Variants in LRRC4C observed in about 807,000 individuals in gnomAD.
LRRC4C encodes the protein leucine rich repeat containing 4C.
LRRC4C carries 5 observed loss-of-function variants against 33.6 expected under a neutral mutation model. The ratio of observed to expected loss-of-function variants is 0.15; its 90% CI spans 0.08 to 0.31. The LOEUF (loss-of-function observed/expected upper bound fraction) is 0.31, where lower values mean the gene tolerates loss of function less well. LRRC4C is among the 10% of genes least tolerant of loss of function. The pLI is 1.00. For missense variants in LRRC4C, 560 were observed against 796.7 expected (o/e 0.70, Z 3.58); for synonymous variants, 329 against 302.0 (o/e 1.09, Z -0.93).
chr11:40,987,630 GATATAT>G lies in LRRC4C; in HGVS notation c.-495-53913_-495-53908del, dbSNP rs747152583. 9.0e-5 allele frequency among the ~76,000 whole-genome samples: 8 copies of G among 88,600 alleles called. No homozygotes were observed. The South Asian group carries it at 3.2e-3, about 36-fold the overall frequency. 58.1% of individuals were successfully genotyped at this position (88,600 alleles called of 152,430 possible). On this transcript the variant is annotated intron_variant, in intron 1 of 6. Coordinates refer to ENST00000528697, the MANE Select transcript of LRRC4C (RefSeq NM_001258419.2). ...GGCTCTGCAGGTACAAGTGGGTAAT[GATATAT>G]ATATATATATATATATCTCATATAT...
intron 2 of LRRC4C, among the ~76,000 whole-genome samples, chr11:40,693,538 T>C (rs560966901): frequency 6.6e-6 from 1 of 152,206 alleles, no homozygotes; most frequent in Admixed American, 6.6e-5. Flanking sequence ...ATATTTCTTT[T>C]CTCGTCTACC....
intron 3 of LRRC4C, among the ~76,000 whole-genome samples, chr11:40,348,871 A>G (rs1470619029): frequency 6.6e-6 from 1 of 152,244 alleles, no homozygotes; most frequent in African/African-American, 2.4e-5. Flanking sequence ...AGTGAGGGAA[A>G]TGTCTTTTTA....
rs1018175769 is a variant in LRRC4C at position 40,619,362 on chromosome 11, T to G, written c.-270+28780A>C. ...TCATGGTGTTATTGATGAAGAATGTTCATACTTATTTCACATTGCATGCCT... is the reference window on the plus strand; with the variant it reads ...TCATGGTGTTATTGATGAAGAATGTGCATACTTATTTCACATTGCATGCCT... On this transcript the variant is annotated intron_variant, in intron 3 of 6. Coordinates refer to ENST00000528697, the MANE Select transcript of LRRC4C (RefSeq NM_001258419.2). 5.9e-5 allele frequency among the ~76,000 whole-genome samples: 9 copies of G among 151,858 alleles called. No homozygotes were observed. The East Asian group carries it at 1.4e-3, about 23-fold the overall frequency.
At chr11:40,948,163 G>C (rs894645964) in intron 1 of LRRC4C, among the ~76,000 whole-genome samples, 1 of 151,806 alleles carries the variant, frequency 6.6e-6, no homozygotes, top group Admixed American at 6.6e-5. Context: ...TATTTAATCT[G>C]AGTTGTTTAC....
chr11:40,936,014 TTATATATATATATATATATATATATA>T (rs56879078), intron 1 of LRRC4C, among the ~76,000 whole-genome samples: 7,779 of 49,396 alleles, frequency 0.16, 674 homozygotes, highest in Admixed American at 0.35. Context: ...ATGCCAAATT[TTATATATATATATATATATATATATA>T]TATATATATA....
At chr11:40,390,201 T>C (rs1358387255) in intron 3 of LRRC4C, among the ~76,000 whole-genome samples, 1 of 152,220 alleles carries the variant, frequency 6.6e-6, no homozygotes. Context: ...TTGATTAGTA[T>C]GGCTGGCATT....
intron 3 of LRRC4C, among the ~76,000 whole-genome samples, chr11:40,597,740 A>G (rs546467958): frequency 8.5e-5 from 13 of 152,158 alleles, no homozygotes; most frequent in Non-Finnish European, 1.6e-4. Context: ...GAGCTAGCAA[A>G]TTCAATTTCT....
intron 6 of LRRC4C, among the ~76,000 whole-genome samples, chr11:40,117,969 TGATA>T (rs1855553985): frequency 6.6e-6 from 1 of 150,654 alleles, no homozygotes; most frequent in Non-Finnish European, 1.5e-5. Flanking sequence ...TATGATTATA[TGATA>T]GATATGGTTA....
At chr11:40,323,137 A>G (rs534966645) in intron 3 of LRRC4C, among the ~76,000 whole-genome samples, 1 of 152,294 alleles carries the variant, frequency 6.6e-6, no homozygotes, top group South Asian at 2.1e-4. Flanking sequence ...AAGCAATTGC[A>G]CTCAAAGGCA....
chr11:40,957,911 C>T (rs1959033478), intron 1 of LRRC4C, among the ~76,000 whole-genome samples: 1 of 151,700 alleles, frequency 6.6e-6, no homozygotes, highest in African/African-American at 2.4e-5. Flanking sequence ...AACCTCCCCC[C>T]TTTCCAATTC....
intron 1 of LRRC4C, among the ~76,000 whole-genome samples, chr11:41,335,124 T>A (rs1002216430): frequency 6.6e-6 from 1 of 152,188 alleles, no homozygotes; most frequent in Admixed American, 6.5e-5. Context: ...ACCAAGTGAG[T>A]ATCTCTGTTT....
intron 3 of LRRC4C, among the ~76,000 whole-genome samples, chr11:40,411,797 T>C (rs1375026880): frequency 6.6e-6 from 1 of 152,016 alleles, no homozygotes; most frequent in East Asian, 1.9e-4. Context: ...ATCAGGAAAT[T>C]CAGTAAAAAT....
intron 1 of LRRC4C, among the ~76,000 whole-genome samples, chr11:40,990,106 T>C (rs1037216127): frequency 9.9e-5 from 15 of 150,882 alleles, no homozygotes; most frequent in Admixed American, 2.6e-4. Context: ...CCAAGGATAC[T>C]GAGGGTGATT....
chr11:41,016,190 T>C (rs1855573646), intron 1 of LRRC4C, among the ~76,000 whole-genome samples: 1 of 152,130 alleles, frequency 6.6e-6, no homozygotes, highest in Admixed American at 6.5e-5. Flanking sequence ...CATAGCATTC[T>C]CTTCAGGACA....
rs998957313 is a variant in LRRC4C at position 40,653,132 on chromosome 11, C to G, written c.-406-4854G>C. Among the ~76,000 whole-genome samples, 6 of 152,170 alleles carry G rather than the reference C, an allele frequency of 3.9e-5. No individual in the cohort carries two copies. The East Asian group carries it at 1.2e-3, about 29-fold the overall frequency. Reference sequence around the variant, plus strand: ...CTCAGCCTCAGGCAGTTCTTCATAGCAGGCTGAGAATGTACTAATATAGTT... The same window carrying G: ...CTCAGCCTCAGGCAGTTCTTCATAGGAGGCTGAGAATGTACTAATATAGTT... On this transcript the variant is annotated intron_variant, in intron 2 of 6. Coordinates refer to ENST00000528697, the MANE Select transcript of LRRC4C (RefSeq NM_001258419.2).
chr11:40,217,769 T>TTTTCCAA (rs760615288), intron 5 of LRRC4C, among the ~76,000 whole-genome samples: 50 of 152,246 alleles, frequency 3.3e-4, no homozygotes, highest in South Asian at 2.3e-3. Flanking sequence ...TTTCTCATCT[T>TTTTCCAA]TTTCCATCTG....
intron 3 of LRRC4C, among the ~76,000 whole-genome samples, chr11:40,558,845 C>T (rs967450000): frequency 3.9e-5 from 6 of 152,054 alleles, no homozygotes; most frequent in Admixed American, 3.9e-4. Context: ...TTTTCTGCTC[C>T]TCTCCCTCCT....
At chr11:40,157,195 T>C (rs979799420) in intron 5 of LRRC4C, among the ~76,000 whole-genome samples, 9 of 152,060 alleles carry the variant, frequency 5.9e-5, no homozygotes, top group African/African-American at 1.2e-4. Flanking sequence ...GCTGGGGTAA[T>C]TGGCTAGTCA....
At position 41,459,020 on chromosome 11, in the gene LRRC4C, C is replaced by T. The variant is rs532262111; in HGVS notation, c.-496+411G>A. Among the ~76,000 whole-genome samples the T allele has an allele frequency of 4.6e-5, 7 of 152,182 alleles. 1 individual carries two copies. Among genetic ancestry groups the T allele is most frequent in the Middle Eastern group, 3.4e-3 (1 of 292 alleles). On this transcript the variant is annotated intron_variant, in intron 1 of 6. Coordinates refer to ENST00000528697, the MANE Select transcript of LRRC4C (RefSeq NM_001258419.2). ...TATCGTGAAAGTCCGGATTACATCC[C>T]CACCTCCCCAGCCCCCAGTCTCTGA... is the stretch of plus-strand genomic sequence containing the variant.
Sources: gnomAD v4.1 joint callset for allele counts (sites outside exome capture counted in the v4.1 genomes callset) on GRCh38, gnomAD v4.1.1 for gene constraint, MANE v1.5 for transcripts, NCBI Gene and HGNC (gene_info 2026-07-23, HGNC 2026-07-21) for gene names.